The following DCHS2 variants were observed in gnomAD, a reference collection of about 807,000 sequenced individuals.
DCHS2 encodes protocadherin-23.
A neutral mutation model predicts 182.4 loss-of-function variants in DCHS2; 142 were observed. That is an observed-to-expected ratio of 0.78 (90% CI 0.68 to 0.89). The LOEUF is 0.89. Ranked by LOEUF, DCHS2 falls within the 40% of genes least tolerant of loss-of-function variation. The pLI, the probability that DCHS2 is intolerant of heterozygous loss-of-function variation, is 0.00. For missense variants in DCHS2, 4,319 were observed against 4,198.6 expected, an observed-to-expected ratio of 1.03 and a Z score of -0.79; for synonymous variants, 1,740 against 1,663.3, an observed-to-expected ratio of 1.05 and a Z score of -1.12.
Position 154,247,097 on chromosome 4 carries a change from A to G in DCHS2, c.6942-4325T>C, listed in dbSNP as rs1732106261. 2.0e-5 allele frequency among the ~76,000 whole-genome samples: 3 copies of G among 152,342 alleles called. No individual in the cohort carries two copies. In the East Asian group the frequency reaches 5.8e-4, roughly 29 times the overall value. On this transcript the variant is annotated intron_variant, in intron 16 of 19. Transcript: ENST00000357232. ...AGCACAAGGAGAAACCCACATCAAA[A>G]TATGCAATCACATTTTAAAATACTA...
chr4:154,329,672 G>C lies in DCHS2; in HGVS notation c.3769C>G (p.Arg1257Gly). The C allele has an allele frequency of 6.2e-7, 1 of 1,611,998 alleles. No homozygotes were observed. Among genetic ancestry groups the C allele is most frequent in the Non-Finnish European group, 8.5e-7 (1 of 1,179,830 alleles). Residue 1257 changes from arginine (R) to glycine (G), a missense_variant, in exon 6 of 20, where the codon CGG becomes GGG. Physicochemically the swap from Arg to Gly is moderately radical, Grantham distance 125 (BLOSUM62 -2). Transcript: ENST00000357232. The part of the protein sequence containing the change: ...INWVALDREH[R>G]GHHEMTVLVT... ...AGCACAGTCATCTCATGGTGCCCCCGGTGCTCACGATCCAGTGCCACCCAA... is the reference window on the plus strand; with the variant it reads ...AGCACAGTCATCTCATGGTGCCCCCCGTGCTCACGATCCAGTGCCACCCAA...
intron 3 of DCHS2, among the ~76,000 whole-genome samples, chr4:154,340,397 A>G (rs1294830693): frequency 5.3e-5 from 8 of 152,228 alleles, no homozygotes. Context: ...TGTCCTAGTA[A>G]CATACAGCAA....
chr4:154,426,793 T>TA (rs375729740), intron 1 of DCHS2, among the ~76,000 whole-genome samples: 4 of 145,548 alleles, frequency 2.7e-5, no homozygotes, highest in African/African-American at 7.4e-5. Flanking sequence ...AACTTAAAAA[T>TA]AAAATAAAAT....
intron 1 of DCHS2, among the ~76,000 whole-genome samples, chr4:154,385,879 A>T (rs1022219769): frequency 6.6e-6 from 1 of 152,092 alleles, no homozygotes; most frequent in African/African-American, 2.4e-5. Context: ...TGGTCTGACC[A>T]GCCCACGACA....
chr4:154,426,751 T>G (rs1348275966), intron 1 of DCHS2, among the ~76,000 whole-genome samples: 1 of 94,448 alleles, frequency 1.1e-5, no homozygotes, highest in African/African-American at 3.3e-5. Flanking sequence ...CTGGGCAACA[T>G]AGTGAGACTT....
At chr4:154,428,621 GA>G (rs1218768006) in intron 1 of DCHS2, among the ~76,000 whole-genome samples, 2 of 151,874 alleles carry the variant, frequency 1.3e-5, no homozygotes, top group African/African-American at 4.8e-5. Context: ...CAATGAAAAT[GA>G]AAAAAAGGAA....
rs146865422 is a variant in DCHS2, at chr4:154,336,658, A to G, written c.2477-1554T>C. 7.0e-3 allele frequency among the ~76,000 whole-genome samples: 1,061 copies of G among 152,296 alleles called. 14 individuals carry two copies. The highest frequency in any genetic ancestry group is 0.023 in the African/African-American group (944 of 41,562). ...TTCTATTTCTATTAGAAATTTAATA[A>G]AATATTCTTATTTACTGAAATCAAA... On this transcript the variant is annotated intron_variant, in intron 3 of 19. Coordinates refer to ENST00000357232, the MANE Select transcript of DCHS2 (RefSeq NM_001358235.2).
chr4:154,390,388 A>G (rs1731643756), intron 1 of DCHS2, among the ~76,000 whole-genome samples: 1 of 151,108 alleles, frequency 6.6e-6, no homozygotes, highest in Non-Finnish European at 1.5e-5. Flanking sequence ...TTCTTGCGAT[A>G]GTTTGATACT....
chr4:154,294,192 G>T (rs1229490134), intron 13 of DCHS2, among the ~76,000 whole-genome samples: 2 of 152,076 alleles, frequency 1.3e-5, no homozygotes, highest in Admixed American at 1.3e-4. Context: ...GTGCTCATTT[G>T]ATCATCAAAA....
At chr4:154,372,970 G>A (rs1730713125) in intron 2 of DCHS2, among the ~76,000 whole-genome samples, 1 of 152,112 alleles carries the variant, frequency 6.6e-6, no homozygotes, top group African/African-American at 2.4e-5. Flanking sequence ...CAGCAAATGG[G>A]TTCTCAGCAA....
Position 154,240,641 on chromosome 4 carries a change from G to A in DCHS2, c.7255C>T (p.Leu2419Phe). The change falls in exon 18 of 20, where the codon CTC becomes TTC. Residue 2419 changes from leucine to phenylalanine, a missense_variant. Transcript: ENST00000357232. ...DFEEMTEYELLIQISDSVHYT... is the reference protein window; with the variant it reads ...DFEEMTEYELFIQISDSVHYT... ...TGCACTGAATCAGAAATTTGGATGA[G>A]CAGCTCATATTCAGTCATTTCTTCA... The A allele has an allele frequency of 1.2e-6, 2 of 1,613,940 alleles. No homozygotes were observed. Among genetic ancestry groups the A allele is most frequent in the African/African-American group, 1.3e-5 (1 of 75,042 alleles).
At chr4:154,304,628 TAAAAA>T in intron 12 of DCHS2, 36 bp downstream of exon 12, 1 of 1,353,040 alleles carries the variant, frequency 7.4e-7, no homozygotes, top group East Asian at 2.4e-5. Context: ...GACTCTGTCT[TAAAAA>T]AACAAACAAA....
At chr4:154,417,198 TGTGTGTGAGAGAGAGAGA>T (rs1421392238) in intron 1 of DCHS2, among the ~76,000 whole-genome samples, 9,442 of 65,330 alleles carry the variant, frequency 0.14, 599 homozygotes, top group Middle Eastern at 0.23. Flanking sequence ...TGTGTGTGTG[TGTGTGTGAGAGAGAGAGA>T]GAGAGAGAGA....
intron 9 of DCHS2, among the ~76,000 whole-genome samples, chr4:154,318,193 G>GTCTATTTT (rs1319695330): frequency 1.3e-5 from 2 of 151,286 alleles, no homozygotes; most frequent in African/African-American, 2.4e-5. Context: ...CAAACCCTGT[G>GTCTATTTT]TCTATTTTAT....
intron 12 of DCHS2, among the ~76,000 whole-genome samples, chr4:154,300,614 CAG>C (rs1473391353): frequency 5.3e-5 from 8 of 151,158 alleles, no homozygotes; most frequent in Non-Finnish European, 1.2e-4. Flanking sequence ...TTGAGCCTGA[CAG>C]GGGGTACAGG....
chr4:154,422,467 C>A (rs1208079767), intron 1 of DCHS2, among the ~76,000 whole-genome samples: 1 of 152,118 alleles, frequency 6.6e-6, no homozygotes, highest in African/African-American at 2.4e-5. Context: ...CAAAATATAT[C>A]CTGAAACATC....
chr4:154,490,660 C>T lies in DCHS2; in HGVS notation c.696G>A (p.Pro232=). The change falls in exon 1 of 20, where the codon CCG becomes CCA. Residue 232 remains proline (P), a synonymous_variant. Transcript: ENST00000357232. ...ACGAGGAGCCTGGCAAAAGCGGTGA[C>T]GGTAGTGGCCCCGGAGTCCGGTAGC... ...QLRYRTPGPL[P]SPLLPGSSSP... The T allele has an allele frequency of 6.4e-7, 1 of 1,551,448 alleles. No individual in the cohort carries two copies. The highest frequency in any genetic ancestry group is 8.7e-7 in the Non-Finnish European group (1 of 1,146,902).
chr4:154,248,483 A>T (rs939074505), intron 16 of DCHS2, among the ~76,000 whole-genome samples: 1 of 149,376 alleles, frequency 6.7e-6, no homozygotes, highest in South Asian at 2.1e-4. Flanking sequence ...GCTGACTTTC[A>T]TCTACACTCT....
At position 154,236,830 on chromosome 4, in the gene DCHS2, C is replaced by G; in HGVS notation, c.7822G>C (p.Glu2608Gln). 6.8e-6 allele frequency: 11 copies of G among 1,614,046 alleles called. No homozygotes were observed. The highest frequency in any genetic ancestry group is 9.3e-6 in the Non-Finnish European group (11 of 1,179,964). Reference sequence around the variant, plus strand: ...TAACCGACTTGCTTATAAGGATATTCTGAATGAAAGAACTTAGTTTCCACA... The same window carrying G: ...TAACCGACTTGCTTATAAGGATATTGTGAATGAAAGAACTTAGTTTCCACA... Reference protein sequence around the residue: ...FHVETKFFHSEYPYKQVGYLV... With the variant: ...FHVETKFFHSQYPYKQVGYLV... The change falls in exon 20 of 20, where the codon GAA (glutamate) becomes CAA (glutamine). Residue 2608 changes from glutamate (E) to glutamine (Q), a missense_variant. Physicochemically the swap from Glu to Gln is conservative, Grantham distance 29 (BLOSUM62 2). Coordinates refer to ENST00000357232, the MANE Select transcript of DCHS2 (RefSeq NM_001358235.2).
Sources: gnomAD v4.1 joint callset for allele counts (sites outside exome capture counted in the v4.1 genomes callset) on GRCh38, gnomAD v4.1.1 for gene constraint, MANE v1.5 for transcripts, NCBI Gene and HGNC (gene_info 2026-07-23, HGNC 2026-07-21) for gene names.